ST6GALNAC3: variants seen among roughly 807,000 people sequenced by gnomAD.
ST6GALNAC3 encodes the protein ST6 N-acetylgalactosaminide alpha-2,6-sialyltransferase 3.
In ST6GALNAC3, 25 loss-of-function variants were observed where a neutral mutation model predicts 32.7. That is an observed-to-expected ratio of 0.76 (90% confidence interval 0.56 to 1.07). ST6GALNAC3 has a LOEUF of 1.07. ST6GALNAC3 is among the 50% of genes least tolerant of loss of function. ST6GALNAC3 has a pLI of 0.00. For missense variants in ST6GALNAC3, 355 were observed against 382.4 expected (o/e 0.93, Z 0.60); for synonymous variants, 129 against 133.1 (o/e 0.97, Z 0.21).
chr1:76,372,242 G>A (rs1380140872), intron 2 of ST6GALNAC3, among the ~76,000 whole-genome samples: 3 of 152,054 alleles, frequency 2.0e-5, no homozygotes, highest in African/African-American at 7.2e-5. Flanking sequence ...TACTGAAACT[G>A]GGTGTGTAGT....
intron 3 of ST6GALNAC3, among the ~76,000 whole-genome samples, chr1:76,538,973 A>G (rs1464390219): frequency 2.6e-5 from 4 of 152,230 alleles, no homozygotes; most frequent in African/African-American, 9.6e-5. Flanking sequence ...TGCTATTCCC[A>G]TTAAATTACC....
At chr1:76,521,933 G>A (rs868422924) in intron 3 of ST6GALNAC3, among the ~76,000 whole-genome samples, 1 of 151,944 alleles carries the variant, frequency 6.6e-6, no homozygotes, top group Admixed American at 6.6e-5. Context: ...GCTGGATGTG[G>A]TGGCATGCAC....
At chr1:76,453,470 G>C (rs1202681244) in intron 3 of ST6GALNAC3, among the ~76,000 whole-genome samples, 1 of 151,922 alleles carries the variant, frequency 6.6e-6, no homozygotes, top group Non-Finnish European at 1.5e-5. Flanking sequence ...GTTTTGATAG[G>C]TTTTGGCACT....
intron 1 of ST6GALNAC3, among the ~76,000 whole-genome samples, chr1:76,184,915 T>A (rs1653456600): frequency 6.6e-6 from 1 of 152,220 alleles, no homozygotes; most frequent in South Asian, 2.1e-4. Context: ...TGGCCATGTG[T>A]GCTTCTGTCT....
At position 76,248,564 on chromosome 1, in the gene ST6GALNAC3, C is replaced by CA. The variant is rs1459370655; in HGVS notation, c.19-65241_19-65240insA. 5.3e-5 allele frequency among the ~76,000 whole-genome samples: 8 copies of CA among 152,216 alleles called. No individual in the cohort carries two copies. In the South Asian group the frequency reaches 1.7e-3, roughly 32 times the overall value. ...GATTCTAAAGGAAACAACCATTATC[C>CA]TAATTTCAGGAATGTTTTATTTTTC... is the stretch of plus-strand genomic sequence containing the variant. On this transcript the variant is annotated intron_variant, in intron 1 of 4. Coordinates refer to ENST00000328299, the MANE Select transcript of ST6GALNAC3 (RefSeq NM_152996.4).
chr1:76,407,133 T>C (rs940160030), intron 2 of ST6GALNAC3, among the ~76,000 whole-genome samples: 2 of 152,074 alleles, frequency 1.3e-5, no homozygotes, highest in African/African-American at 4.8e-5. Flanking sequence ...AGCAGAGAAA[T>C]GACTTGTTTT....
At chr1:76,160,493 G>T (rs1407828329) in intron 1 of ST6GALNAC3, among the ~76,000 whole-genome samples, 1 of 152,158 alleles carries the variant, frequency 6.6e-6, no homozygotes, top group African/African-American at 2.4e-5. Context: ...GGTTTTGGGG[G>T]TTGGTGCTTC....
At chr1:76,137,244 C>T (rs1210788497) in intron 1 of ST6GALNAC3, among the ~76,000 whole-genome samples, 2 of 152,206 alleles carry the variant, frequency 1.3e-5, no homozygotes, top group East Asian at 3.8e-4. Context: ...TTGCATCTGT[C>T]TGGGACACCT....
intron 3 of ST6GALNAC3, among the ~76,000 whole-genome samples, chr1:76,420,345 T>C (rs527819792): frequency 6.6e-6 from 1 of 152,220 alleles, no homozygotes; most frequent in East Asian, 1.9e-4. Context: ...CTGCTTGTAG[T>C]TGGATCCTAA....
chr1:76,100,401 A>G (rs1056541924), intron 1 of ST6GALNAC3, among the ~76,000 whole-genome samples: 5 of 152,270 alleles, frequency 3.3e-5, no homozygotes, highest in Admixed American at 3.3e-4. Context: ...TTATTCATTA[A>G]TGGATGTTGA....
intron 2 of ST6GALNAC3, among the ~76,000 whole-genome samples, chr1:76,393,218 T>C (rs567624647): frequency 1.3e-5 from 2 of 152,328 alleles, no homozygotes; most frequent in South Asian, 4.1e-4. Flanking sequence ...TAAGCAGTGA[T>C]TTGGAACTGT....
chr1:76,215,011 A>G (rs1407164082), intron 1 of ST6GALNAC3, among the ~76,000 whole-genome samples: 2 of 152,198 alleles, frequency 1.3e-5, no homozygotes, highest in Non-Finnish European at 1.5e-5. Flanking sequence ...AAATATGGTG[A>G]TATTAAAAGC....
At chr1:76,238,426 C>T (rs12088871) in intron 1 of ST6GALNAC3, among the ~76,000 whole-genome samples, 3,912 of 152,214 alleles carry the variant, frequency 0.026, 171 homozygotes, top group African/African-American at 0.09. Context: ...CAGGCCATTA[C>T]GGGGTATTTT....
intron 2 of ST6GALNAC3, among the ~76,000 whole-genome samples, chr1:76,402,119 A>C (rs1388006534): frequency 6.6e-6 from 1 of 152,100 alleles, no homozygotes; most frequent in East Asian, 1.9e-4. Flanking sequence ...CAAAGTTCTC[A>C]TGATGGTACT....
intron 2 of ST6GALNAC3, among the ~76,000 whole-genome samples, chr1:76,318,542 A>T (rs1168710557): frequency 6.6e-6 from 1 of 152,116 alleles, no homozygotes; most frequent in Non-Finnish European, 1.5e-5. Context: ...ATCAGGAGTG[A>T]TTTAGATTTT....
At chr1:76,550,917 G>A (rs1419378307) in intron 3 of ST6GALNAC3, among the ~76,000 whole-genome samples, 1 of 151,990 alleles carries the variant, frequency 6.6e-6, no homozygotes, top group East Asian at 1.9e-4. Flanking sequence ...ACCACACCCA[G>A]CTAATTTAAT....
intron 1 of ST6GALNAC3, among the ~76,000 whole-genome samples, chr1:76,195,426 A>G (rs1654148591): frequency 6.6e-6 from 1 of 152,194 alleles, no homozygotes; most frequent in African/African-American, 2.4e-5. Context: ...AGAATATTAA[A>G]AAGAATGTGT....
At chr1:76,218,213 CA>C (rs1655579235) in intron 1 of ST6GALNAC3, among the ~76,000 whole-genome samples, 1 of 152,126 alleles carries the variant, frequency 6.6e-6, no homozygotes, top group African/African-American at 2.4e-5. Context: ...GGCCATTCTG[CA>C]AACCCAACTT....
At chr1:76,482,313 CT>C (rs1192970749) in intron 3 of ST6GALNAC3, among the ~76,000 whole-genome samples, 3 of 152,028 alleles carry the variant, frequency 2.0e-5, no homozygotes, top group Non-Finnish European at 4.4e-5. Context: ...AACAATAACA[CT>C]GATTAAAAGG....
Sources: allele counts gnomAD v4.1 joint callset (sites outside exome capture counted in the v4.1 genomes callset), GRCh38; gene constraint gnomAD v4.1.1; transcripts MANE v1.5; gene names NCBI Gene and HGNC (gene_info 2026-07-23, HGNC 2026-07-21).